The following RGS7 variants were observed in gnomAD, a reference collection of about 807,000 sequenced individuals.
RGS7 encodes regulator of G protein signaling 7, also known as regulator of G-protein signaling 7.
A neutral mutation model predicts 81.1 loss-of-function variants in RGS7; 27 were observed. That is an observed-to-expected ratio of 0.33 (90% CI 0.25 to 0.46). The LOEUF (loss-of-function observed/expected upper bound fraction) is 0.46, where lower values mean the gene tolerates loss of function less well. Ranked by LOEUF, RGS7 falls within the 20% of genes least tolerant of loss-of-function variation. The pLI is 1.00. For synonymous variants in RGS7, 208 were observed against 207.7 expected (o/e 1.00, Z -0.01); for missense variants, 396 against 607.4 (o/e 0.65, Z 3.66).
At chr1:241,269,775 T>C (rs1028600612) in intron 2 of RGS7, among the ~76,000 whole-genome samples, 4 of 152,232 alleles carry the variant, frequency 2.6e-5, no homozygotes, top group Non-Finnish European at 4.4e-5. Flanking sequence ...ATTCGATGTA[T>C]TGGTTTTCCA....
intron 6 of RGS7, among the ~76,000 whole-genome samples, chr1:240,921,974 G>C (rs1673625696): frequency 6.6e-6 from 1 of 151,954 alleles, no homozygotes; most frequent in African/African-American, 2.4e-5. Flanking sequence ...ACAGAGAGTT[G>C]ACACTACCAA....
chr1:241,285,339 T>C (rs1341065712), intron 2 of RGS7, among the ~76,000 whole-genome samples: 1 of 152,206 alleles, frequency 6.6e-6, no homozygotes, highest in Non-Finnish European at 1.5e-5. Context: ...CATTAGCATG[T>C]TATTCCTCAT....
intron 2 of RGS7, among the ~76,000 whole-genome samples, chr1:241,129,721 A>C (rs1417172423): frequency 2.0e-5 from 3 of 152,150 alleles, no homozygotes; most frequent in Admixed American, 2.0e-4. Context: ...TTCTGGGTGG[A>C]GCCCAGAAAT....
chr1:241,072,013 T>C (rs766282486), intron 3 of RGS7, among the ~76,000 whole-genome samples: 11 of 152,312 alleles, frequency 7.2e-5, no homozygotes, highest in Admixed American at 2.0e-4. Flanking sequence ...TTGGAATTAT[T>C]AGTTTTTCAG....
intron 9 of RGS7, among the ~76,000 whole-genome samples, chr1:240,848,863 T>TA (rs1246622102): frequency 2.0e-5 from 3 of 152,072 alleles, no homozygotes; most frequent in African/African-American, 7.2e-5. Context: ...CATAGCAAAA[T>TA]AACTAGGAAA....
chr1:241,259,992 C>G (rs2077247861), intron 2 of RGS7, among the ~76,000 whole-genome samples: 1 of 152,040 alleles, frequency 6.6e-6, no homozygotes, highest in African/African-American at 2.4e-5. Flanking sequence ...TCGTCAAGAC[C>G]AGAATGAATG....
chr1:241,104,308 G>T (rs554663954), intron 2 of RGS7, among the ~76,000 whole-genome samples: 1 of 152,210 alleles, frequency 6.6e-6, no homozygotes, highest in South Asian at 2.1e-4. Flanking sequence ...TTTGTTAGAC[G>T]CAATAAATTG....
intron 2 of RGS7, among the ~76,000 whole-genome samples, chr1:241,252,424 T>C (rs558250239): frequency 9.8e-5 from 15 of 152,288 alleles, no homozygotes; most frequent in Middle Eastern, 6.8e-3. Flanking sequence ...CCAGAGCCCA[T>C]AGTTCTCAAT....
Position 241,074,847 on chromosome 1 carries a change from G to A in RGS7, c.175+23819C>T, listed in dbSNP as rs78789655. Among the ~76,000 whole-genome samples the A allele has an allele frequency of 6.9e-3, 1,058 of 152,284 alleles. 19 individuals are homozygous for A. Among genetic ancestry groups the A allele is most frequent in the African/African-American group, 0.024 (1,011 of 41,556 alleles). The stretch of plus-strand genomic sequence containing the variant: ...AGTATATGCGGTAGCTACAATTAGT[G>A]TAAGATAATACTGGCCCTGGAGTTT... On this transcript the variant is annotated intron_variant, in intron 3 of 18. Transcript: ENST00000440928.
rs1302671010 is a variant in RGS7 at position 241,128,156 on chromosome 1, A to T, written c.79-29394T>A. Among the ~76,000 whole-genome samples the T allele has an allele frequency of 2.0e-5, 3 of 151,998 alleles. No individual in the cohort carries two copies. The East Asian group carries it at 5.8e-4, about 29-fold the overall frequency. ...AGCCGGGCGTGTGGCGGGCGCCTTT[A>T]GTCCCAGCTACTAGGGAGGCTGAGG... On this transcript the variant is annotated intron_variant, in intron 2 of 18. Transcript: ENST00000440928.
chr1:240,825,553 G>C (rs1418605044), intron 10 of RGS7, among the ~76,000 whole-genome samples: 1 of 152,172 alleles, frequency 6.6e-6, no homozygotes, highest in Non-Finnish European at 1.5e-5. Flanking sequence ...GTTAGCGCTA[G>C]ACAGCTCTGG....
At chr1:241,077,631 G>A (rs898247233) in intron 3 of RGS7, among the ~76,000 whole-genome samples, 6 of 152,288 alleles carry the variant, frequency 3.9e-5, no homozygotes, top group Middle Eastern at 6.8e-3. Flanking sequence ...GCCCTCCAGC[G>A]ATTGCTCTCT....
chr1:240,799,250 GGTTTGT>G (rs147672981), intron 18 of RGS7, among the ~76,000 whole-genome samples: 78,194 of 136,934 alleles, frequency 0.57, 22,513 homozygotes, highest in Non-Finnish European at 0.66. Flanking sequence ...TTATTATTAT[GGTTTGT>G]GTGTGTGTGT....
At chr1:241,342,948 G>A (rs570067210) in intron 2 of RGS7, among the ~76,000 whole-genome samples, 23 of 152,112 alleles carry the variant, frequency 1.5e-4, no homozygotes, top group African/African-American at 2.9e-4. Context: ...TAGAGAACAC[G>A]GTATGGCAGT....
intron 2 of RGS7, among the ~76,000 whole-genome samples, chr1:241,251,698 C>T (rs566570366): frequency 9.2e-5 from 14 of 151,870 alleles, no homozygotes; most frequent in African/African-American, 2.9e-4. Context: ...TTAGTAGAGA[C>T]GGGGTTTCAT....
At chr1:241,248,661 G>T (rs2076678734) in intron 2 of RGS7, among the ~76,000 whole-genome samples, 1 of 151,524 alleles carries the variant, frequency 6.6e-6, no homozygotes, top group Admixed American at 6.6e-5. Context: ...ACATCTCTTT[G>T]TATTTTTAAA....
intron 2 of RGS7, among the ~76,000 whole-genome samples, chr1:241,111,751 G>T (rs532869365): frequency 1.7e-4 from 26 of 152,304 alleles, no homozygotes; most frequent in African/African-American, 6.3e-4. Context: ...GGGAAGAACA[G>T]CCTTATGCAT....
At chr1:241,237,176 T>C (rs1395064659) in intron 2 of RGS7, among the ~76,000 whole-genome samples, 2 of 152,210 alleles carry the variant, frequency 1.3e-5, no homozygotes, top group Non-Finnish European at 1.5e-5. Context: ...CTTTTTGCCA[T>C]ATTACTAAAA....
chr1:241,073,755 C>T (rs765014187), intron 3 of RGS7, among the ~76,000 whole-genome samples: 3 of 152,270 alleles, frequency 2.0e-5, no homozygotes, highest in African/African-American at 7.2e-5. Context: ...ACAGACAACA[C>T]CCTGTGGAAT....
Sources: gnomAD v4.1 joint callset for allele counts (sites outside exome capture counted in the v4.1 genomes callset) on GRCh38, gnomAD v4.1.1 for gene constraint, MANE v1.5 for transcripts, NCBI Gene and HGNC (gene_info 2026-07-23, HGNC 2026-07-21) for gene names.